PLAA: variants seen among roughly 807,000 people sequenced by gnomAD.
PLAA encodes the protein phospholipase A2 activating protein, also known as phospholipase A-2-activating protein.
A neutral mutation model predicts 84.1 loss-of-function variants in PLAA; 48 were observed. The ratio of observed to expected loss-of-function variants is 0.57; its 90% confidence interval spans 0.45 to 0.73. The LOEUF (loss-of-function observed/expected upper bound fraction) is 0.73, where lower values mean the gene tolerates loss of function less well. Ranked by LOEUF, PLAA falls within the 30% of genes least tolerant of loss-of-function variation. The pLI is 0.00. For synonymous variants in PLAA, 392 were observed against 336.6 expected (o/e 1.16, Z -1.80); for missense variants, 903 against 954.7 (o/e 0.95, Z 0.71).
chr9:26,936,114 C>T (rs756917561), intron 1 of PLAA, among the ~76,000 whole-genome samples: 1 of 152,048 alleles, frequency 6.6e-6, no homozygotes, highest in Non-Finnish European at 1.5e-5. Flanking sequence ...GATAAGTGTA[C>T]ATAAAGAGGT....
At chr9:26,922,866 TG>T (rs1824813828) in intron 7 of PLAA, among the ~76,000 whole-genome samples, 1 of 152,112 alleles carries the variant, frequency 6.6e-6, no homozygotes, top group Admixed American at 6.6e-5. Flanking sequence ...ATATTCAGTT[TG>T]TAACCCCTCT....
At chr9:26,912,480 G>C (rs1334914639) in intron 11 of PLAA, among the ~76,000 whole-genome samples, 1 of 152,172 alleles carries the variant, frequency 6.6e-6, no homozygotes, top group East Asian at 1.9e-4. Context: ...CTGCAATATG[G>C]ATCATCGAGA....
At chr9:26,920,532 A>C in intron 7 of PLAA, 148 bp from the exon 8 acceptor site, 1 of 539,276 alleles carries the variant, frequency 1.9e-6, no homozygotes, top group Non-Finnish European at 3.1e-6. Context: ...AAAGATTTAA[A>C]AATGTGGCCA....
intron 1 of PLAA, among the ~76,000 whole-genome samples, chr9:26,939,141 C>T (rs62544453): frequency 0.059 from 8,992 of 152,240 alleles, 320 homozygotes; most frequent in Middle Eastern, 0.15. Context: ...GTAATCCCAG[C>T]ACTTTGGGAG....
chr9:26,943,465 G>C (rs918286981), intron 1 of PLAA, among the ~76,000 whole-genome samples: 1 of 152,142 alleles, frequency 6.6e-6, no homozygotes, highest in Non-Finnish European at 1.5e-5. Context: ...ATTTGCATCA[G>C]AGGTAGACAG....
intron 1 of PLAA, among the ~76,000 whole-genome samples, chr9:26,942,608 CAT>C (rs1476380136): frequency 7.0e-6 from 1 of 143,074 alleles, no homozygotes; most frequent in Non-Finnish European, 1.6e-5. Context: ...GGAGGCCGGG[CAT>C]GGTGGCTCAC....
intron 1 of PLAA, 27 bp downstream of exon 1, chr9:26,946,870 C>T (rs750488439): frequency 1.9e-6 from 3 of 1,551,156 alleles, no homozygotes; most frequent in Non-Finnish European, 2.6e-6. Context: ...GCAACACAGC[C>T]GGGGCAACCC....
At chr9:26,917,213 A>T in intron 9 of PLAA, 48 bp from the exon 10 acceptor site, 2 of 1,498,634 alleles carry the variant, frequency 1.3e-6, no homozygotes, top group Non-Finnish European at 1.9e-6. Context: ...AAAGTTCTGA[A>T]TTTTTCAAAC....
rs1303043305 is a variant in PLAA at position 26,920,395 on chromosome 9, A to G, written c.1040-11T>C. ...GTCCTTCTCTAGTACCTTAAAATAA[A>G]AATTTTAAGAATCAAAGGTAGAATG... On this transcript the variant is annotated splice_polypyrimidine_tract_variant and intron_variant, in intron 7 of 13. Coordinates refer to ENST00000397292, the MANE Select transcript of PLAA (RefSeq NM_001031689.3). 6.4e-7 allele frequency: 1 copy of G among 1,558,138 alleles called. No individual in the cohort carries two copies. Among genetic ancestry groups the G allele is most frequent in the South Asian group, 1.2e-5 (1 of 81,242 alleles).
chr9:26,913,014 G>A (rs1173596524), intron 11 of PLAA, among the ~76,000 whole-genome samples: 5 of 152,140 alleles, frequency 3.3e-5, no homozygotes, highest in Non-Finnish European at 4.4e-5. Context: ...TGTGAGCCCA[G>A]GAGTTTGAGC....
chr9:26,939,944 A>G (rs1825479358), intron 1 of PLAA, among the ~76,000 whole-genome samples: 1 of 152,228 alleles, frequency 6.6e-6, no homozygotes, highest in Admixed American at 6.5e-5. Context: ...ATAGTTGAAG[A>G]CTTCAATATC....
At chr9:26,935,291 T>C (rs1299578059) in intron 1 of PLAA, 85 bp from the exon 2 acceptor site, 4 of 815,008 alleles carry the variant, frequency 4.9e-6, no homozygotes, top group African/African-American at 1.8e-5. Flanking sequence ...CATTTTCATT[T>C]AGTGTCTAGA....
At chr9:26,921,632 A>G (rs1001362419) in intron 7 of PLAA, among the ~76,000 whole-genome samples, 17 of 152,242 alleles carry the variant, frequency 1.1e-4, no homozygotes, top group African/African-American at 4.1e-4. Flanking sequence ...TACAGTGTAC[A>G]ATCTGAAACC....
In PLAA at chr9:26,917,669, C is replaced by T. The variant is rs948646920; in HGVS notation, c.1418-504G>A. ...TGCTTATATCCACTGAAGCTTACAA[C>T]CTACTGGAGAAGAGAATTAGAAAAG... On this transcript the variant is annotated intron_variant, in intron 9 of 13. Coordinates refer to ENST00000397292, the MANE Select transcript of PLAA (RefSeq NM_001031689.3). Among the ~76,000 whole-genome samples, 8 of 152,256 alleles carry T rather than the reference C, an allele frequency of 5.3e-5. 1 individual carries two copies. The highest frequency in any genetic ancestry group is 3.3e-4 in the Admixed American group (5 of 15,296).
At chr9:26,941,595 T>C (rs1275184751) in intron 1 of PLAA, among the ~76,000 whole-genome samples, 1 of 151,754 alleles carries the variant, frequency 6.6e-6, no homozygotes, top group East Asian at 1.9e-4. Context: ...CAAATAGAGA[T>C]GAGAAAAAAA....
chr9:26,925,767 T>C, intron 6 of PLAA, 58 bp downstream of exon 6: 1 of 1,500,902 alleles, frequency 6.7e-7, no homozygotes, highest in Non-Finnish European at 9.2e-7. Context: ...CTGTACACTC[T>C]AGTTCCTACT....
intron 5 of PLAA, 86 bp downstream of exon 5, chr9:26,926,307 A>AT (rs1824959196): frequency 3.7e-6 from 3 of 813,868 alleles, no homozygotes; most frequent in Non-Finnish European, 6.0e-6. Context: ...TAAATTAAGT[A>AT]ATCAGCTCTC....
intron 1 of PLAA, among the ~76,000 whole-genome samples, chr9:26,942,741 G>T (rs1825578496): frequency 1.3e-5 from 2 of 152,008 alleles, no homozygotes; most frequent in South Asian, 4.2e-4. Flanking sequence ...AATTAGCCGG[G>T]CGCCGTGGCG....
rs1225023034 is a variant in PLAA, at chr9:26,928,298, A to C, written c.444+10T>G. The C allele has an allele frequency of 2.5e-6, 4 of 1,613,888 alleles. No individual in the cohort carries two copies. In the East Asian group the frequency reaches 6.7e-5, roughly 27 times the overall value. The stretch of plus-strand genomic sequence containing the variant: ...TTATTCTTTAGAATATTTACACAGA[A>C]CTACTGTACCTGCAAGGTCATCATG... On this transcript the variant is annotated intron_variant, in intron 3 of 13. Coordinates refer to ENST00000397292, the MANE Select transcript of PLAA (RefSeq NM_001031689.3).
Sources: allele counts gnomAD v4.1 joint callset (sites outside exome capture counted in the v4.1 genomes callset), GRCh38; gene constraint gnomAD v4.1.1; transcripts MANE v1.5; gene names NCBI Gene and HGNC (gene_info 2026-07-23, HGNC 2026-07-21).